Variants in SLC29A1 observed in about 807,000 individuals in gnomAD.
The protein encoded by SLC29A1 is solute carrier family 29 member 1 (Augustine blood group), also known as equilibrative nucleoside transporter 1.
In SLC29A1, 22 loss-of-function variants were observed where a neutral mutation model predicts 48.3. The ratio of observed to expected loss-of-function variants is 0.46; its 90% CI spans 0.33 to 0.65. SLC29A1 has a LOEUF of 0.65. Ranked by LOEUF, SLC29A1 falls within the 30% of genes least tolerant of loss-of-function variation. The pLI, the probability that SLC29A1 is intolerant of heterozygous loss-of-function variation, is 0.03. For synonymous variants in SLC29A1, 228 were observed against 231.0 expected, an observed-to-expected ratio of 0.99 and a Z score of 0.12; for missense variants, 491 against 575.3, an observed-to-expected ratio of 0.85 and a Z score of 1.50.
rs1169695611 is a variant in SLC29A1 at position 44,231,386 on chromosome 6, A to G, written c.789A>G (p.Lys263=). ...ISKGEEPRAG[K]EESGVSVSNS... ...CAGGAGAGGAGCCAAGAGCAGGCAA[A>G]GAGGAATCTGGAGTTTCAGTCTCCA... The change falls in exon 9 of 13, where the codon AAA becomes AAG. Residue 263 remains lysine (K), a synonymous_variant. Coordinates refer to ENST00000371755, the MANE Select transcript of SLC29A1 (RefSeq NM_001372327.1). The G allele has an allele frequency of 6.2e-7, 1 of 1,602,146 alleles. No homozygotes were observed. The highest frequency in any genetic ancestry group is 2.2e-5 in the East Asian group (1 of 44,764).
chr6:44,232,797 G>C lies in SLC29A1; in HGVS notation c.1060-10G>C, dbSNP rs369373757. On this transcript the variant is annotated splice_polypyrimidine_tract_variant and intron_variant, in intron 11 of 12. Coordinates refer to ENST00000371755, the MANE Select transcript of SLC29A1 (RefSeq NM_001372327.1). This position sits in a 1 kb window ranked among gnomAD's most constrained non-coding sequence, Gnocchi z 4.7. ...GCGGCCTGGGCTGAGGCCCTGCCTG[G>C]TGCCCACAGCCTGGGAAGGACAGCC... 98 of 1,607,918 alleles carry C rather than the reference G, an allele frequency of 6.1e-5. No individual in the cohort carries two copies. The African/African-American group carries it at 1.0e-3, about 17-fold the overall frequency.
chr6:44,220,541 G>A (rs1489457136), upstream of SLC29A1, among the ~76,000 whole-genome samples: 2 of 151,530 alleles, frequency 1.3e-5, no homozygotes, highest in Non-Finnish European at 2.9e-5. Flanking sequence ...AGGGCTGGGT[G>A]TGGTGGCTCA....
intron 1 of SLC29A1, among the ~76,000 whole-genome samples, chr6:44,224,175 T>G (rs891161921): frequency 2.0e-5 from 3 of 151,992 alleles, no homozygotes; most frequent in African/African-American, 7.3e-5. Context: ...TATGAGAGGG[T>G]GAAGACAAAC....
chr6:44,222,150 G>A (rs1444932601), upstream of SLC29A1, among the ~76,000 whole-genome samples: 1 of 152,068 alleles, frequency 6.6e-6, no homozygotes, highest in Non-Finnish European at 1.5e-5. Context: ...CAGGAATTAG[G>A]GGGTTGTGGA....
upstream of SLC29A1, among the ~76,000 whole-genome samples, chr6:44,220,475 C>T (rs1386237057): frequency 6.6e-6 from 1 of 151,280 alleles, no homozygotes; most frequent in Non-Finnish European, 1.5e-5. Flanking sequence ...TGAGCCACTG[C>T]ACTTGGCATC....
At chr6:44,220,346 T>C (rs1459267771), upstream of SLC29A1, among the ~76,000 whole-genome samples, 1 of 108,998 alleles carries the variant, frequency 9.2e-6, no homozygotes, top group Non-Finnish European at 2.2e-5. Flanking sequence ...CTCAGCTAAT[T>C]TTTTTTTTTT....
chr6:44,233,342 C>T (rs1488401649), intron 12 of SLC29A1, 75 bp from the exon 13 acceptor site: 8 of 1,262,646 alleles, frequency 6.3e-6, no homozygotes, highest in Admixed American at 3.4e-5. Flanking sequence ...TCCACCCCAC[C>T]CCTCCTTCCA....
At position 44,233,402 on chromosome 6, in the gene SLC29A1, T is replaced by C. The variant is rs1424611065; in HGVS notation, c.1260-15T>C. 4 of 1,607,926 alleles carry C rather than the reference T, an allele frequency of 2.5e-6. No individual in the cohort carries two copies. Among genetic ancestry groups the C allele is most frequent in the Non-Finnish European group, 3.4e-6 (4 of 1,174,332 alleles). On this transcript the variant is annotated splice_polypyrimidine_tract_variant and intron_variant, in intron 12 of 12. Transcript: ENST00000371755. ...AGCCATTCTGAGGTAGCCTTGCCCT[T>C]CCTTCCCCGCTTAGGAAAGTGAAGC... is the stretch of plus-strand genomic sequence containing the variant.
upstream of SLC29A1, chr6:44,221,736 C>A: frequency 1.0e-6 from 1 of 974,610 alleles, no homozygotes; most frequent in Non-Finnish European, 1.4e-6. The surrounding 1 kb of genome is among the most constrained non-coding windows in gnomAD (Gnocchi z 4.2). Flanking sequence ...CACCCAGCAA[C>A]CTCTGCTTGG....
At position 44,223,648 on chromosome 6, in the gene SLC29A1, CCCGGGG is replaced by C. The variant is rs1561873891; in HGVS notation, c.-52+14_-52+19del. ...AGCAGTGCTTCTGCGGCAGGTGCTG[CCCGGGG>C]CCGGGGACTGGGGACTGGGGACTGC... On this transcript the variant is annotated splice_region_variant and intron_variant, in intron 1 of 12. Transcript: ENST00000371755. The surrounding 1 kb of genome is among the most constrained non-coding windows in gnomAD (Gnocchi z 5.0). 3.3e-6 allele frequency: 4 copies of C among 1,203,676 alleles called. No homozygotes were observed. Among genetic ancestry groups the C allele is most frequent in the Non-Finnish European group, 4.2e-6 (4 of 945,448 alleles). 74.6% of individuals were successfully genotyped at this position (1,203,676 alleles called of 1,614,324 possible).
rs868105625 is a variant in SLC29A1, at chr6:44,226,472, G to A, written c.-51-791G>A. On this transcript the variant is annotated intron_variant, in intron 1 of 12. Transcript: ENST00000371755. ...GAGCCTGTGACAGAGAGGAACTAAG[G>A]GAGGACTAGGTGACCCTGGGGTCGG... Among the ~76,000 whole-genome samples the A allele has an allele frequency of 6.6e-5, 10 of 151,940 alleles. No individual in the cohort carries two copies. The South Asian group carries it at 2.1e-3, about 32-fold the overall frequency.
Position 44,230,034 on chromosome 6 carries a change from G to A in SLC29A1, c.442G>A (p.Val148Met), listed in dbSNP as rs61758844. Residue 148 changes from valine to methionine, a missense_variant, in exon 5 of 13, where the codon GTG (valine) becomes ATG (methionine). Val to Met is a conservative substitution (Grantham distance 21, BLOSUM62 1). Transcript: ENST00000371755. ...PFFVITMIKI[V>M]LINSFGAILQ... is the part of the protein sequence containing the mutation. ...CTTTGTCATCACCATGATCAAGATC[G>A]TGCTCATTAATTGTAAGCTGGGCCA... 3.5e-5 allele frequency: 57 copies of A among 1,607,732 alleles called. 1 individual carries two copies. Among genetic ancestry groups the A allele is most frequent in the Admixed American group, 2.8e-4 (17 of 60,032 alleles).
intron 2 of SLC29A1, among the ~76,000 whole-genome samples, chr6:44,228,854 C>T (rs1039970612): frequency 6.6e-6 from 1 of 152,222 alleles, no homozygotes; most frequent in Admixed American, 6.5e-5. Context: ...CTCTAAGGCC[C>T]TCTCTTCACA....
At chr6:44,221,849 C>T (rs970424052), upstream of SLC29A1, among the ~76,000 whole-genome samples, 7 of 152,200 alleles carry the variant, frequency 4.6e-5, no homozygotes, top group Non-Finnish European at 8.8e-5. This position sits in a 1 kb window ranked among gnomAD's most constrained non-coding sequence, Gnocchi z 4.2. Context: ...TGCCATCCAC[C>T]GAGCTGGCAG....
At chr6:44,230,287 C>T in intron 5 of SLC29A1, 60 bp from the exon 6 acceptor site, 1 of 1,582,236 alleles carries the variant, frequency 6.3e-7, no homozygotes. Flanking sequence ...GATCTGTCTT[C>T]TTGGGCACCC....
Position 44,233,619 on chromosome 6 carries a change from T to C in SLC29A1, c.*91T>C. The C allele has an allele frequency of 9.7e-7, 1 of 1,034,886 alleles. No homozygotes were observed. Among genetic ancestry groups the C allele is most frequent in the Non-Finnish European group, 1.5e-6 (1 of 666,618 alleles). The allele number at this position is 1,034,886 out of a possible 1,614,324, so 64.1% of individuals were successfully genotyped here. ...GGGGTGATCCTGAGTGGTCTGGCGG[T>C]TTTTTCTTCTAACTGACTTCTGCTT... On this transcript the variant is annotated 3_prime_UTR_variant, in exon 13 of 13. Transcript: ENST00000371755.
rs1778288419 is a variant in SLC29A1 at position 44,229,259 on chromosome 6, G to A, written c.30-131G>A. On this transcript the variant is annotated intron_variant, in intron 2 of 12. Transcript: ENST00000371755. This position sits in a 1 kb window ranked among gnomAD's most constrained non-coding sequence, Gnocchi z 5.1. The stretch of plus-strand genomic sequence containing the variant: ...CACCCATAAGAGGACACATGCAAAC[G>A]GACACAAACACAGACGCCCTGTGCC... 8 of 757,864 alleles carry A rather than the reference G, an allele frequency of 1.1e-5. No individual in the cohort carries two copies. The highest frequency in any genetic ancestry group is 3.0e-5 in the South Asian group (2 of 67,612). The allele number at this position is 757,864 out of a possible 1,614,324, so 46.9% of individuals were successfully genotyped here. A position where few individuals can be genotyped will look rare whatever the true frequency, so the allele number is the denominator to read the frequency against.
rs1198981812 is a variant in SLC29A1, at chr6:44,230,606, A to G, written c.628A>G (p.Ile210Val). ...ATCAGAAAGTGCCTTCGGCTACTTT[A>G]TCACAGCCTGTGCTGTTATCATTTT... The part of the protein sequence containing the change: ...ELSESAFGYF[I>V]TACAVIILTI... The change falls in exon 7 of 13, where the codon ATC (isoleucine) becomes GTC (valine). Residue 210 changes from isoleucine to valine, a missense_variant. Ile to Val is a conservative substitution (Grantham distance 29). Coordinates refer to ENST00000371755, the MANE Select transcript of SLC29A1 (RefSeq NM_001372327.1). 2.5e-6 allele frequency: 4 copies of G among 1,613,734 alleles called. No homozygotes were observed. In the Middle Eastern group the frequency reaches 4.9e-4, roughly 200 times the overall value.
At chr6:44,220,978 C>G (rs532101179), upstream of SLC29A1, among the ~76,000 whole-genome samples, 1 of 152,324 alleles carries the variant, frequency 6.6e-6, no homozygotes, top group Admixed American at 6.5e-5. Context: ...CTCCCGGGCT[C>G]TAGTGAACCT....
Sources: gnomAD v4.1 joint callset for allele counts (sites outside exome capture counted in the v4.1 genomes callset) on GRCh38, gnomAD v4.1.1 for gene constraint, Gnocchi (gnomAD v3.1) non-coding constraint, MANE v1.5 for transcripts, NCBI Gene and HGNC (gene_info 2026-07-23, HGNC 2026-07-21) for gene names.